APELA: variants seen among roughly 807,000 people sequenced by gnomAD.
APELA encodes apelin receptor early endogenous ligand.
At position 164,897,472 on chromosome 4, in the gene APELA, G is replaced by A. The variant is rs912506500; in HGVS notation, c.*2058G>A. On this transcript the variant is annotated 3_prime_UTR_variant, in exon 3 of 3. Coordinates refer to ENST00000507152, the MANE Select transcript of APELA (RefSeq NM_001297550.2). ...TACAAATCAGTTTTACTATTGTAAA[G>A]TAATGAAATGGTTATACATTTCTTA... 1 of 152,218 alleles carries A rather than the reference G, an allele frequency of 6.6e-6. No homozygotes were observed. The highest frequency in any genetic ancestry group is 2.4e-5 in the African/African-American group (1 of 41,458). The allele number at this position is 152,218 out of a possible 1,614,324, so 9.4% of individuals were successfully genotyped here.
intron 1 of APELA, 141 bp downstream of exon 1, chr4:164,877,548 A>G (rs1730577439): frequency 2.5e-6 from 1 of 396,142 alleles, no homozygotes; most frequent in African/African-American, 2.1e-5. Flanking sequence ...TAGGATTTTG[A>G]AAGTATGCTA....
At chr4:164,883,484 C>CTTTTTTTTTTTTTTTT (rs758157733) in intron 2 of APELA, among the ~76,000 whole-genome samples, 1 of 129,368 alleles carries the variant, frequency 7.7e-6, no homozygotes, top group African/African-American at 3.2e-5. Flanking sequence ...TCTAGTCTTT[C>CTTTTTTTTTTTTTTTT]TTTTTCTTTT....
intron 2 of APELA, among the ~76,000 whole-genome samples, chr4:164,882,779 A>G (rs1184354653): frequency 2.6e-5 from 4 of 151,350 alleles, no homozygotes; most frequent in African/African-American, 4.9e-5. Context: ...CTGGTGTGTG[A>G]TGTTCCCCTT....
chr4:164,898,758 G>A (rs1395490502), downstream of APELA: 1 of 151,984 alleles, frequency 6.6e-6, no homozygotes, highest in African/African-American at 2.4e-5. Flanking sequence ...ATTGTTTGCT[G>A]TACATTTGAT....
rs143476908 is a variant in APELA at position 164,882,191 on chromosome 4, C to T, written c.*1+3182C>T. Among the ~76,000 whole-genome samples, 5 of 152,240 alleles carry T rather than the reference C, an allele frequency of 3.3e-5. No homozygotes were observed. The East Asian group carries it at 7.7e-4, about 24-fold the overall frequency. ...CCATCTCGGCTCACCGGAGCCTCCA[C>T]CTTCCAGGTTCTAGCGATTCTCCTG... On this transcript the variant is annotated intron_variant, in intron 2 of 2. Transcript: ENST00000507152.
At chr4:164,884,165 G>A (rs920258959) in intron 2 of APELA, among the ~76,000 whole-genome samples, 1 of 123,088 alleles carries the variant, frequency 8.1e-6, no homozygotes, top group African/African-American at 3.4e-5. Context: ...GAAAGGAGAA[G>A]AGAAAGAAAG....
At chr4:164,879,174 C>T (rs1730610913) in intron 2 of APELA, 165 bp downstream of exon 2, 1 of 391,376 alleles carries the variant, frequency 2.6e-6, no homozygotes, top group African/African-American at 2.1e-5. Flanking sequence ...AATGACATGA[C>T]TTTTGAGAAT....
Position 164,896,210 on chromosome 4 carries a change from C to T in APELA, c.*796C>T, listed in dbSNP as rs1383603022. 1.3e-5 allele frequency: 2 copies of T among 152,172 alleles called. No homozygotes were observed. The highest frequency in any genetic ancestry group is 2.9e-5 in the Non-Finnish European group (2 of 68,028). 9.4% of individuals were successfully genotyped at this position (152,172 alleles called of 1,614,324 possible). A position where few individuals can be genotyped will look rare whatever the true frequency, so the allele number is the denominator to read the frequency against. ...CCGAGTTCAAGTGATTCTCGTGCCT[C>T]AACCTCCCAATTATAGGCTGGGATT... is the stretch of plus-strand genomic sequence containing the variant. On this transcript the variant is annotated 3_prime_UTR_variant, in exon 3 of 3. Coordinates refer to ENST00000507152, the MANE Select transcript of APELA (RefSeq NM_001297550.2).
At chr4:164,894,817 G>A (rs1310926756) in intron 2 of APELA, among the ~76,000 whole-genome samples, 1 of 152,182 alleles carries the variant, frequency 6.6e-6, no homozygotes, top group East Asian at 1.9e-4. Flanking sequence ...GAGCCATCAT[G>A]CCTGGCCCCA....
rs1164392886 is a variant in APELA at position 164,895,682 on chromosome 4, T to A, written c.*268T>A. On this transcript the variant is annotated 3_prime_UTR_variant, in exon 3 of 3. Coordinates refer to ENST00000507152, the MANE Select transcript of APELA (RefSeq NM_001297550.2). ...ATCGTTTGCCTACATAACAAAAATA[T>A]CTCATCTTTTCCTGCACATTATTAT... 1.3e-5 allele frequency: 2 copies of A among 152,228 alleles called. No homozygotes were observed. The highest frequency in any genetic ancestry group is 3.8e-4 in the East Asian group (2 of 5,200). 9.4% of individuals were successfully genotyped at this position (152,228 alleles called of 1,614,324 possible).
chr4:164,898,917 C>A (rs941410444), downstream of APELA: 4 of 152,036 alleles, frequency 2.6e-5, no homozygotes, highest in African/African-American at 4.8e-5. Context: ...ATCAAGATAA[C>A]ATTTGAACTC....
In APELA at chr4:164,888,357, G is replaced by A. The variant is rs894101246; in HGVS notation, c.*2-7059G>A. Among the ~76,000 whole-genome samples the A allele has an allele frequency of 3.3e-5, 5 of 152,214 alleles. 1 individual carries two copies. The highest frequency in any genetic ancestry group is 1.2e-4 in the African/African-American group (5 of 41,450). ...AAACAGAGAAGGCTTTAGGTATGAT[G>A]TGACTGGAGATTGTTGGCATGGGAA... On this transcript the variant is annotated intron_variant, in intron 2 of 2. Transcript: ENST00000507152.
chr4:164,882,020 G>C (rs1730662188), intron 2 of APELA, among the ~76,000 whole-genome samples: 1 of 151,956 alleles, frequency 6.6e-6, no homozygotes, highest in Admixed American at 6.6e-5. Context: ...CCTAGACTCT[G>C]TCTCTAAAAC....
At position 164,877,381 on chromosome 4, in the gene APELA, T is replaced by C. The variant is rs1163839343; in HGVS notation, c.50T>C (p.Leu17Pro). The C allele has an allele frequency of 2.5e-6, 1 of 399,070 alleles. No homozygotes were observed. The highest frequency in any genetic ancestry group is 4.4e-6 in the Non-Finnish European group (1 of 226,056). The allele number at this position is 399,070 out of a possible 1,614,324, so 24.7% of individuals were successfully genotyped here. Residue 17 changes from leucine (L) to proline (P), a missense_variant, in exon 1 of 3, where the codon CTT (leucine) becomes CCT (proline). By Grantham distance (98) the Leu-to-Pro change is moderately conservative (BLOSUM62 -3). Transcript: ENST00000507152. ...LFAFFIFIMSLLLISGQRPVN... is the reference protein window; with the variant it reads ...LFAFFIFIMSPLLISGQRPVN... Reference sequence around the variant, plus strand: ...GCATTTTTTATTTTTATTATGAGTCTTCTCCTTATCAGCGGACAGAGACCA... The same window carrying C: ...GCATTTTTTATTTTTATTATGAGTCCTCTCCTTATCAGCGGACAGAGACCA...
intron 2 of APELA, among the ~76,000 whole-genome samples, chr4:164,883,167 C>A (rs1324463270): frequency 1.3e-5 from 2 of 152,214 alleles, no homozygotes; most frequent in East Asian, 1.9e-4. Context: ...ATTCTCTCCA[C>A]CTCTTGGGTT....
chr4:164,881,611 T>C (rs985014435), intron 2 of APELA, among the ~76,000 whole-genome samples: 46 of 151,294 alleles, frequency 3.0e-4, no homozygotes, highest in African/African-American at 1.1e-3. Flanking sequence ...AGGGAAGGGG[T>C]GTCAGGAAAT....
At chr4:164,884,366 A>G (rs1300769572) in intron 2 of APELA, among the ~76,000 whole-genome samples, 1 of 152,050 alleles carries the variant, frequency 6.6e-6, no homozygotes, top group Admixed American at 6.5e-5. Flanking sequence ...TTTTCAACAC[A>G]TTGTTCCCCT....
chr4:164,891,328 G>C (rs965845574), intron 2 of APELA, among the ~76,000 whole-genome samples: 6 of 152,008 alleles, frequency 3.9e-5, no homozygotes, highest in Middle Eastern at 3.2e-3. Context: ...CATCTACTTT[G>C]TCAATTTCTG....
At chr4:164,892,739 G>A (rs1730907025) in intron 2 of APELA, among the ~76,000 whole-genome samples, 1 of 152,072 alleles carries the variant, frequency 6.6e-6, no homozygotes, top group Non-Finnish European at 1.5e-5. Context: ...AAGCCATGTG[G>A]TTCTTTTTGG....
Sources: allele counts gnomAD v4.1 joint callset (sites outside exome capture counted in the v4.1 genomes callset), GRCh38; gene constraint gnomAD v4.1.1; transcripts MANE v1.5; gene names NCBI Gene and HGNC (gene_info 2026-07-23, HGNC 2026-07-21).